Variants in COL14A1 observed in about 807,000 individuals in gnomAD.
The protein encoded by COL14A1 is collagen type XIV alpha 1 chain, also known as collagen alpha-1(XIV) chain.
In COL14A1, 136 loss-of-function variants were observed where a neutral mutation model predicts 230.3. That is an observed-to-expected ratio of 0.59 (90% confidence interval 0.51 to 0.68). The LOEUF (loss-of-function observed/expected upper bound fraction) is 0.68, where lower values mean the gene tolerates loss of function less well. COL14A1 is among the 30% of genes least tolerant of loss of function. The pLI is 0.00. For synonymous variants in COL14A1, 792 were observed against 784.1 expected (o/e 1.01, Z -0.17); for missense variants, 1,976 against 2,215.8 (o/e 0.89, Z 2.17).
chr8:120,223,436 G>A (rs1457612795), intron 14 of COL14A1, among the ~76,000 whole-genome samples: 4 of 152,064 alleles, frequency 2.6e-5, no homozygotes, highest in Non-Finnish European at 4.4e-5. Context: ...TTGGGAGGCC[G>A]AGGTGGGTGG....
intron 45 of COL14A1, among the ~76,000 whole-genome samples, chr8:120,349,599 C>T (rs924187559): frequency 1.1e-4 from 15 of 140,496 alleles, no homozygotes; most frequent in Admixed American, 3.6e-4. Flanking sequence ...GCAGAAGCCT[C>T]GGGAGCCGAT....
intron 33 of COL14A1, among the ~76,000 whole-genome samples, chr8:120,287,215 TA>T (rs539575321): frequency 2.9e-3 from 389 of 135,748 alleles, no homozygotes; most frequent in African/African-American, 5.8e-3. Flanking sequence ...GAACAGTTGC[TA>T]AAAAAAAAAA....
chr8:120,163,658 G>A (rs562418105), intron 4 of COL14A1, among the ~76,000 whole-genome samples: 2 of 152,300 alleles, frequency 1.3e-5, no homozygotes, highest in Non-Finnish European at 2.9e-5. Context: ...AGCTACTTGG[G>A]AGGCTGAGGC....
intron 26 of COL14A1, among the ~76,000 whole-genome samples, chr8:120,276,374 G>A (rs1819845603): frequency 6.7e-6 from 1 of 148,856 alleles, no homozygotes; most frequent in Non-Finnish European, 1.5e-5. Flanking sequence ...AGGGTGGAAG[G>A]TGGATGAAGG....
At position 120,270,305 on chromosome 8, in the gene COL14A1, GA is replaced by G. The variant is rs1819621764; in HGVS notation, c.3213+132del. The G allele has an allele frequency of 1.7e-5, 16 of 939,876 alleles. 1 individual carries two copies. Among genetic ancestry groups the G allele is most frequent in the Non-Finnish European group, 2.3e-5 (15 of 663,840 alleles). The allele number at this position is 939,876 out of a possible 1,614,324, so 58.2% of individuals were successfully genotyped here. A position where few individuals can be genotyped will look rare whatever the true frequency, so the allele number is the denominator to read the frequency against. ...GGGTTCAACCTTAAATGAAAGGATA[GA>G]CAGGTATGTGTTTGGAAGCAGCTTG... On this transcript the variant is annotated intron_variant, in intron 26 of 47. Transcript: ENST00000297848.
intron 9 of COL14A1, among the ~76,000 whole-genome samples, chr8:120,204,202 C>T (rs1817357712): frequency 6.6e-6 from 1 of 152,150 alleles, no homozygotes; most frequent in African/African-American, 2.4e-5. Flanking sequence ...CTAGTTTTCC[C>T]AATGGTAAAA....
intron 40 of COL14A1, among the ~76,000 whole-genome samples, chr8:120,330,892 G>A (rs1447529956): frequency 6.6e-6 from 1 of 152,136 alleles, no homozygotes; most frequent in African/African-American, 2.4e-5. Flanking sequence ...GATCACCTGA[G>A]GTTGGGAGTT....
Position 120,226,740 on chromosome 8 carries a change from C to G in COL14A1, c.1978C>G (p.Pro660Ala). The change falls in exon 16 of 48, where the codon CCA becomes GCA. Residue 660 changes from proline (P) to alanine (A), a missense_variant. Physicochemically the swap from Pro to Ala is conservative, Grantham distance 27. This residue lies in a region of COL14A1 where 1,791 missense variants were observed against 2,019.5 expected (regional missense o/e 0.89). Transcript: ENST00000297848. ...DEGLHKLMWI[P>A]VYGGKTEEVV... ...AGGGCTACACAAATTGATGTGGATT[C>G]CAGTCTATGGGGGGAAGACTGAGGA... 1.2e-6 allele frequency: 2 copies of G among 1,613,670 alleles called. No homozygotes were observed. The highest frequency in any genetic ancestry group is 4.5e-5 in the East Asian group (2 of 44,878).
In COL14A1 at chr8:120,283,816, G is replaced by A. The variant is rs1448738762; in HGVS notation, c.3967+38G>A. 5.2e-6 allele frequency: 8 copies of A among 1,552,238 alleles called. No individual in the cohort carries two copies. In the African/African-American group the frequency reaches 6.8e-5, roughly 13 times the overall value. On this transcript the variant is annotated intron_variant, in intron 32 of 47. Coordinates refer to ENST00000297848, the MANE Select transcript of COL14A1 (RefSeq NM_021110.4). ...ATTGAGATCACATTCACATATACAT[G>A]TATGAGTAATGTATGTGGCATGCCA...
At chr8:120,210,084 C>G (rs967563787) in intron 12 of COL14A1, among the ~76,000 whole-genome samples, 183 bp downstream of exon 12, 1 of 151,902 alleles carries the variant, frequency 6.6e-6, no homozygotes, top group Non-Finnish European at 1.5e-5. Flanking sequence ...CAGTCTTTGT[C>G]GATGCATTTT....
rs577625999 is a variant in COL14A1, at chr8:120,210,534, C to T, written c.1467+633C>T. On this transcript the variant is annotated intron_variant, in intron 12 of 47. Coordinates refer to ENST00000297848, the MANE Select transcript of COL14A1 (RefSeq NM_021110.4). The stretch of plus-strand genomic sequence containing the variant: ...ATTTGAGAGGTAGATAAACATACCT[C>T]ATTGGTGCAAAATTTTGAATTTATT... Among the ~76,000 whole-genome samples, 3 of 152,258 alleles carry T rather than the reference C, an allele frequency of 2.0e-5. No homozygotes were observed. In the South Asian group the frequency reaches 6.2e-4, roughly 32 times the overall value.
At position 120,162,581 on chromosome 8, in the gene COL14A1, C is replaced by A; in HGVS notation, c.349+12C>A. 1 of 1,595,376 alleles carries A rather than the reference C, an allele frequency of 6.3e-7. No individual in the cohort carries two copies. The highest frequency in any genetic ancestry group is 8.5e-7 in the Non-Finnish European group (1 of 1,172,276). On this transcript the variant is annotated intron_variant, in intron 4 of 47. Transcript: ENST00000297848. The stretch of plus-strand genomic sequence containing the variant: ...AGGCCAATTCAGAAGTACGTATTTA[C>A]AGTTCTCAAAGCACCTCCGCAGGAC...
At chr8:120,306,209 T>C (rs1383142327) in intron 36 of COL14A1, among the ~76,000 whole-genome samples, 1 of 152,170 alleles carries the variant, frequency 6.6e-6, no homozygotes, top group African/African-American at 2.4e-5. Flanking sequence ...CCAGCATTAA[T>C]ACATGTTTAT....
At chr8:120,317,228 C>A (rs1821264178) in intron 40 of COL14A1, among the ~76,000 whole-genome samples, 1 of 152,116 alleles carries the variant, frequency 6.6e-6, no homozygotes, top group African/African-American at 2.4e-5. Flanking sequence ...ACTTGAGCAC[C>A]CACTTCTCTA....
chr8:120,258,677 G>C (rs1401904561), intron 23 of COL14A1, among the ~76,000 whole-genome samples: 1 of 152,080 alleles, frequency 6.6e-6, no homozygotes, highest in Non-Finnish European at 1.5e-5. Context: ...GTCTTCTCAG[G>C]AAAGACTGAA....
At chr8:120,354,577 A>G (rs1822911564) in intron 45 of COL14A1, among the ~76,000 whole-genome samples, 1 of 152,114 alleles carries the variant, frequency 6.6e-6, no homozygotes. Flanking sequence ...CTAAAAGAAG[A>G]TTGCACTTTT....
At chr8:120,132,608 A>T (rs1814566779) in intron 1 of COL14A1, among the ~76,000 whole-genome samples, 2 of 149,224 alleles carry the variant, frequency 1.3e-5, no homozygotes, top group South Asian at 2.1e-4. Flanking sequence ...AGGTAGTTTG[A>T]TAGCAATAAC....
At position 120,168,237 on chromosome 8, in the gene COL14A1, T is replaced by C; in HGVS notation, c.426T>C (p.Ser142=). ...ACAGAGGAAATGGGAGTAGACCATCTTCACCAGAAGGTCAGAGACGATTTT... is the reference window on the plus strand; with the variant it reads ...ACAGAGGAAATGGGAGTAGACCATCCTCACCAGAAGGTCAGAGACGATTTT... ...VVDRGNGSRP[S]SPEEVKFVCQ... is the part of the protein sequence containing the mutation. Residue 142 remains serine (S), a synonymous_variant, in exon 5 of 48, where the codon TCT becomes TCC. Transcript: ENST00000297848. The C allele has an allele frequency of 6.2e-7, 1 of 1,609,966 alleles. No individual in the cohort carries two copies. Among genetic ancestry groups the C allele is most frequent in the Non-Finnish European group, 8.5e-7 (1 of 1,177,534 alleles).
intron 40 of COL14A1, among the ~76,000 whole-genome samples, chr8:120,325,556 G>A (rs1256331516): frequency 1.3e-5 from 2 of 152,024 alleles, no homozygotes; most frequent in African/African-American, 2.4e-5. Flanking sequence ...GCAGTGGTGC[G>A]ATCTTGGCTC....
Sources: allele counts gnomAD v4.1 joint callset (sites outside exome capture counted in the v4.1 genomes callset), GRCh38; gene constraint gnomAD v4.1.1; regional missense constraint gnomAD v4.1.1; transcripts MANE v1.5; gene names NCBI Gene and HGNC (gene_info 2026-07-23, HGNC 2026-07-21).